ANKS1B: variants seen among roughly 807,000 people sequenced by gnomAD.
ANKS1B encodes the protein ankyrin repeat and sterile alpha motif domain-containing protein 1B.
ANKS1B carries 36 observed loss-of-function variants against 148.3 expected under a neutral mutation model. That is an observed-to-expected ratio of 0.24 (90% CI 0.19 to 0.32). ANKS1B has a LOEUF of 0.32. Ranked by LOEUF, ANKS1B falls within the 10% of genes least tolerant of loss-of-function variation. The pLI is 1.00. For synonymous variants in ANKS1B, 542 were observed against 560.8 expected, an observed-to-expected ratio of 0.97 and a Z score of 0.47; for missense variants, 1,157 against 1,542.6, an observed-to-expected ratio of 0.75 and a Z score of 4.19.
chr12:99,754,470 T>C (rs6538941), intron 8 of ANKS1B, among the ~76,000 whole-genome samples: 66,106 of 151,612 alleles, frequency 0.44, 14,756 homozygotes, highest in South Asian at 0.61. Context: ...TTAACAAAGG[T>C]ATTCAGGACC....
chr12:99,541,604 T>C (rs892438867), intron 9 of ANKS1B, among the ~76,000 whole-genome samples: 1 of 152,280 alleles, frequency 6.6e-6, no homozygotes, highest in South Asian at 2.1e-4. Context: ...CTCACATCTA[T>C]AATCCCAGCA....
chr12:98,765,023 G>A (rs1488689209), intron 25 of ANKS1B, among the ~76,000 whole-genome samples: 2 of 152,220 alleles, frequency 1.3e-5, no homozygotes, highest in African/African-American at 2.4e-5. Context: ...GTGGAAGCAC[G>A]CAGCAACAAA....
chr12:99,733,183 A>G (rs1356723316), intron 8 of ANKS1B, among the ~76,000 whole-genome samples: 2 of 152,178 alleles, frequency 1.3e-5, no homozygotes, highest in African/African-American at 2.4e-5. Flanking sequence ...GCCTTGGCCA[A>G]TGGAATATGA....
At chr12:99,264,542 G>T (rs2076249290) in intron 12 of ANKS1B, among the ~76,000 whole-genome samples, 1 of 152,088 alleles carries the variant, frequency 6.6e-6, no homozygotes, top group Non-Finnish European at 1.5e-5. Flanking sequence ...TGCAGCGTTA[G>T]TCTACTGAAT....
intron 10 of ANKS1B, among the ~76,000 whole-genome samples, chr12:99,483,549 T>C (rs1011046130): frequency 6.6e-6 from 1 of 151,970 alleles, no homozygotes; most frequent in African/African-American, 2.4e-5. Flanking sequence ...TCTTAACCTT[T>C]TGGAAGTTTC....
intron 17 of ANKS1B, among the ~76,000 whole-genome samples, chr12:98,857,187 A>C (rs2099576250): frequency 6.6e-6 from 1 of 152,216 alleles, no homozygotes; most frequent in Admixed American, 6.5e-5. Flanking sequence ...TTCTAAGAAG[A>C]CCAAAGACAT....
At chr12:99,062,044 T>G (rs1044318510) in intron 16 of ANKS1B, among the ~76,000 whole-genome samples, 11 of 152,154 alleles carry the variant, frequency 7.2e-5, no homozygotes, top group African/African-American at 2.7e-4. Context: ...TTTTGAGACA[T>G]GAGAAATTTA....
rs777886620 is a variant in ANKS1B, at chr12:99,821,050, T to C, written c.215+4259A>G. On this transcript the variant is annotated intron_variant, in intron 2 of 26. Coordinates refer to ENST00000683438, the MANE Select transcript of ANKS1B (RefSeq NM_001352186.2). ...AAAATCAAGAAACATACACTCTATA[T>C]GAAATTCCCAATTTCAGAACTGTAG... 2.6e-5 allele frequency among the ~76,000 whole-genome samples: 4 copies of C among 152,068 alleles called. No individual in the cohort carries two copies. The East Asian group carries it at 5.8e-4, about 22-fold the overall frequency.
At chr12:98,860,054 A>C (rs1262463673) in intron 17 of ANKS1B, among the ~76,000 whole-genome samples, 8 of 152,272 alleles carry the variant, frequency 5.3e-5, no homozygotes, top group African/African-American at 1.9e-4. Flanking sequence ...CATATGTTTC[A>C]CATAGGCTAC....
At chr12:98,895,201 C>T (rs1450652227) in intron 17 of ANKS1B, 1 of 985,286 alleles carries the variant, frequency 1.0e-6, no homozygotes, top group African/African-American at 1.7e-5. Flanking sequence ...TGCAGGGCGC[C>T]TAGCACTGGG....
chr12:99,244,402 T>C lies in ANKS1B; in HGVS notation c.2359A>G (p.Met787Val). The C allele has an allele frequency of 1.2e-6, 2 of 1,604,288 alleles. No individual in the cohort carries two copies. The highest frequency in any genetic ancestry group is 1.7e-6 in the Non-Finnish European group (2 of 1,176,090). Residue 787 changes from methionine to valine, a missense_variant, in exon 14 of 27, where the codon ATG becomes GTG. Physicochemically the swap from Met to Val is conservative, Grantham distance 21. This residue lies in a region of ANKS1B where 661 missense variants were observed against 642.1 expected (regional missense o/e 1.03). Transcript: ENST00000683438. The stretch of plus-strand genomic sequence containing the variant: ...TTGATTCCAACATCTATGGAACTCA[T>C]TATTTTGTCAATCTGTAAGAAACAA... Reference protein sequence around the residue: ...TSEWEEIDKIMSSIDVGINNE... With the variant: ...TSEWEEIDKIVSSIDVGINNE...
At chr12:99,523,428 T>C (rs983427111) in intron 9 of ANKS1B, among the ~76,000 whole-genome samples, 3 of 152,194 alleles carry the variant, frequency 2.0e-5, no homozygotes, top group Admixed American at 6.5e-5. Flanking sequence ...GGGACAGATA[T>C]TGCAGCTGAT....
At chr12:99,873,456 T>C (rs2091752483) in intron 1 of ANKS1B, among the ~76,000 whole-genome samples, 1 of 152,164 alleles carries the variant, frequency 6.6e-6, no homozygotes, top group South Asian at 2.1e-4. Context: ...GCTCCATAGA[T>C]CAACTTTCTA....
rs1601209945 is a variant in ANKS1B, at chr12:99,155,486, A to G, written c.2420-1091T>C. 2.0e-5 allele frequency among the ~76,000 whole-genome samples: 3 copies of G among 152,122 alleles called. No individual in the cohort carries two copies. The South Asian group carries it at 6.2e-4, about 31-fold the overall frequency. ...TTTCCCCTCTGATATTTATAACCCA[A>G]TCTACCAGGGTTACCATTCTAAATT... On this transcript the variant is annotated intron_variant, in intron 14 of 26. Transcript: ENST00000683438.
At chr12:98,894,666 G>A in intron 17 of ANKS1B, 1 of 985,596 alleles carries the variant, frequency 1.0e-6, no homozygotes. Flanking sequence ...CGGGATCCGC[G>A]AGGGCTGGCG....
chr12:99,918,928 T>C (rs2094259602), intron 1 of ANKS1B, among the ~76,000 whole-genome samples: 1 of 152,174 alleles, frequency 6.6e-6, no homozygotes, highest in African/African-American at 2.4e-5. Flanking sequence ...AAGTTATGCA[T>C]TTTTGAACAA....
At chr12:98,949,425 A>G (rs1028721904) in intron 17 of ANKS1B, among the ~76,000 whole-genome samples, 3 of 152,204 alleles carry the variant, frequency 2.0e-5, no homozygotes, top group Admixed American at 6.5e-5. Flanking sequence ...AGGAAGCTCA[A>G]AACTAGGAGG....
At chr12:98,925,505 A>T (rs949506313) in intron 17 of ANKS1B, among the ~76,000 whole-genome samples, 1 of 152,332 alleles carries the variant, frequency 6.6e-6, no homozygotes, top group African/African-American at 2.4e-5. Context: ...TGTCAAAATC[A>T]ACTTCTTAAG....
chr12:99,648,581 AACAGCTCCACCTG>A, intron 9 of ANKS1B: 5 of 1,614,114 alleles, frequency 3.1e-6, no homozygotes, highest in Non-Finnish European at 4.2e-6. Context: ...AGCGTAAAAA[AACAGCTCCACCTG>A]AAGCTTGCCA....
Sources: gnomAD v4.1 joint callset for allele counts (sites outside exome capture counted in the v4.1 genomes callset) on GRCh38, gnomAD v4.1.1 for gene constraint, gnomAD v4.1.1 regional missense constraint, MANE v1.5 for transcripts, NCBI Gene and HGNC (gene_info 2026-07-23, HGNC 2026-07-21) for gene names.